FLT1: variants seen among roughly 807,000 people sequenced by gnomAD.
FLT1 encodes fms related receptor tyrosine kinase 1.
A neutral mutation model predicts 156.3 loss-of-function variants in FLT1; 49 were observed. The ratio of observed to expected loss-of-function variants is 0.31; its 90% CI spans 0.25 to 0.40. The LOEUF (loss-of-function observed/expected upper bound fraction) is 0.40, where lower values mean the gene tolerates loss of function less well. FLT1 is among the 10% of genes least tolerant of loss of function. The probability of loss-of-function intolerance (pLI) is 1.00; values close to 1 mark genes in which losing one functional copy is unlikely to be tolerated. For synonymous variants in FLT1, 594 were observed against 583.8 expected, an observed-to-expected ratio of 1.02 and a Z score of -0.25; for missense variants, 1,322 against 1,637.2, an observed-to-expected ratio of 0.81 and a Z score of 3.32.
At chr13:28,450,523 G>A (rs1033843676) in intron 3 of FLT1, among the ~76,000 whole-genome samples, 2 of 151,806 alleles carry the variant, frequency 1.3e-5, no homozygotes, top group Non-Finnish European at 2.9e-5. Flanking sequence ...AAGGGAAGGA[G>A]GGAGGAAAGG....
chr13:28,319,559 A>G, intron 23 of FLT1, 25 bp from the exon 24 acceptor site: 2 of 1,409,734 alleles, frequency 1.4e-6, no homozygotes, highest in Non-Finnish European at 2.0e-6. Context: ...GGGGGCCTTG[A>G]GCAGAAGGGC....
intron 10 of FLT1, among the ~76,000 whole-genome samples, chr13:28,411,889 TCTC>T (rs1444768786): frequency 2.6e-5 from 4 of 152,132 alleles, no homozygotes; most frequent in Admixed American, 1.3e-4. Context: ...CAGATAATAA[TCTC>T]CTTCTCTTTT....
chr13:28,484,482 C>G (rs180826932), intron 1 of FLT1, among the ~76,000 whole-genome samples: 182 of 152,244 alleles, frequency 1.2e-3, no homozygotes, highest in African/African-American at 4.3e-3. Context: ...CTTTGGGGCT[C>G]CTTTTCTGAC....
chr13:28,359,033 T>C (rs1873013465), intron 14 of FLT1, among the ~76,000 whole-genome samples: 1 of 152,212 alleles, frequency 6.6e-6, no homozygotes, highest in East Asian at 1.9e-4. Context: ...GGCCAGACTA[T>C]AGGCTGTATT....
At chr13:28,330,659 TC>T (rs1566289748) in intron 18 of FLT1, among the ~76,000 whole-genome samples, 5 of 149,488 alleles carry the variant, frequency 3.3e-5, no homozygotes, top group South Asian at 2.1e-4. Context: ...AAAATCTATT[TC>T]CCCCCTTTTA....
rs1456238275 is a variant in FLT1, at chr13:28,300,588, ACTC to A, written c.*2576_*2578del. ...TTACACCACTGTCGGCCAAAGATGCACTCCTCCTTTAATCAATTTAAATGAGGC... is the reference window on the plus strand; with the variant it reads ...TTACACCACTGTCGGCCAAAGATGCACTCCTTTAATCAATTTAAATGAGGC... On this transcript the variant is annotated 3_prime_UTR_variant, in exon 30 of 30. Transcript: ENST00000282397. 2 of 231,860 alleles carry A rather than the reference ACTC, an allele frequency of 8.6e-6. No individual in the cohort carries two copies. The highest frequency in any genetic ancestry group is 2.2e-5 in the African/African-American group (1 of 44,738). The allele number at this position is 231,860 out of a possible 1,614,324, so 14.4% of individuals were successfully genotyped here. A position where few individuals can be genotyped will look rare whatever the true frequency, so the allele number is the denominator to read the frequency against.
chr13:28,437,799 G>T (rs2137560035), intron 4 of FLT1, among the ~76,000 whole-genome samples: 1 of 152,296 alleles, frequency 6.6e-6, no homozygotes, highest in South Asian at 2.1e-4. Flanking sequence ...GGCTCCTTAT[G>T]CATGAAGCCA....
chr13:28,307,149 T>C (rs1353104395), intron 28 of FLT1, among the ~76,000 whole-genome samples: 1 of 152,248 alleles, frequency 6.6e-6, no homozygotes, highest in East Asian at 1.9e-4. Context: ...GTGGCCATCA[T>C]AGACACAAAT....
chr13:28,420,593 C>A (rs567104745), intron 10 of FLT1, among the ~76,000 whole-genome samples: 116 of 152,204 alleles, frequency 7.6e-4, no homozygotes, highest in African/African-American at 2.7e-3. Flanking sequence ...CTACATTTTG[C>A]CCCCAGGAAA....
chr13:28,389,596 C>G lies in FLT1; in HGVS notation c.1969+200G>C. The G allele has an allele frequency of 2.1e-6, 3 of 1,453,254 alleles. No individual in the cohort carries two copies. In the South Asian group the frequency reaches 4.4e-5, roughly 21 times the overall value. The allele number at this position is 1,453,254 out of a possible 1,614,324, so 90.0% of individuals were successfully genotyped here. On this transcript the variant is annotated intron_variant, in intron 13 of 29. Transcript: ENST00000282397. ...GGGGTCTCATTATTACTGCTATCAT[C>G]TCCGAACTCATTTTGGGAGGAGCAT...
At chr13:28,415,483 A>G (rs1390359846) in intron 10 of FLT1, among the ~76,000 whole-genome samples, 1 of 151,344 alleles carries the variant, frequency 6.6e-6, no homozygotes, top group Admixed American at 6.6e-5. Context: ...CTCCATCTTA[A>G]TAATAATAAT....
chr13:28,385,874 G>T, intron 13 of FLT1: 1 of 1,048,828 alleles, frequency 9.5e-7, no homozygotes, highest in Non-Finnish European at 1.2e-6. Context: ...CTCTAATGAA[G>T]TAGTCAGTCA....
chr13:28,371,332 A>ATATTAAATTT (rs1873556700), intron 14 of FLT1, among the ~76,000 whole-genome samples: 1 of 152,194 alleles, frequency 6.6e-6, no homozygotes, highest in Non-Finnish European at 1.5e-5. Flanking sequence ...TTAAATGGAA[A>ATATTAAATTT]ATTCCATAAA....
At position 28,470,729 on chromosome 13, in the gene FLT1, C is replaced by T. The variant is rs59852220; in HGVS notation, c.65-3112G>A. ...TTTTGAGATGGAGTTTTGCTCTTGT[C>T]GCCCAGGCTGGAGTGCAATGGCACA... On this transcript the variant is annotated intron_variant, in intron 1 of 29. Transcript: ENST00000282397. Among the ~76,000 whole-genome samples, 917 of 152,226 alleles carry T rather than the reference C, an allele frequency of 6.0e-3. 10 individuals carry two copies. Among genetic ancestry groups the T allele is most frequent in the African/African-American group, 0.021 (874 of 41,550 alleles).
intron 3 of FLT1, among the ~76,000 whole-genome samples, chr13:28,447,994 T>C (rs1878713286): frequency 6.6e-6 from 1 of 151,952 alleles, no homozygotes; most frequent in Non-Finnish European, 1.5e-5. Flanking sequence ...AAGCAGGGAA[T>C]AAACAAATGA....
At chr13:28,414,219 A>C (rs1876509538) in intron 10 of FLT1, among the ~76,000 whole-genome samples, 1 of 152,170 alleles carries the variant, frequency 6.6e-6, no homozygotes, top group African/African-American at 2.4e-5. Flanking sequence ...TGAGCCCCTT[A>C]ATTTTGCAAA....
intron 18 of FLT1, among the ~76,000 whole-genome samples, chr13:28,329,934 G>A (rs2138840837): frequency 6.6e-6 from 1 of 152,340 alleles, no homozygotes; most frequent in South Asian, 2.1e-4. Flanking sequence ...GTAAGGCCCA[G>A]CACAGTAGTG....
intron 8 of FLT1, among the ~76,000 whole-genome samples, chr13:28,429,563 C>T (rs1028560735): frequency 2.0e-5 from 3 of 152,126 alleles, no homozygotes; most frequent in African/African-American, 4.8e-5. Context: ...CCATCGTCCC[C>T]CTCTTCAAAT....
intron 20 of FLT1, among the ~76,000 whole-genome samples, chr13:28,323,328 T>C (rs1421785598): frequency 6.6e-6 from 1 of 152,028 alleles, no homozygotes; most frequent in Non-Finnish European, 1.5e-5. Flanking sequence ...TTCAGAGAAG[T>C]AAAGTAATCA....
Sources: allele counts gnomAD v4.1 joint callset (sites outside exome capture counted in the v4.1 genomes callset), GRCh38; gene constraint gnomAD v4.1.1; transcripts MANE v1.5; gene names NCBI Gene and HGNC (gene_info 2026-07-23, HGNC 2026-07-21).